Variants in ATP11B observed in about 807,000 individuals in gnomAD.
The protein encoded by ATP11B is ATPase phospholipid transporting 11B (putative).
A neutral mutation model predicts 157.8 loss-of-function variants in ATP11B; 81 were observed. The ratio of observed to expected loss-of-function variants is 0.51; its 90% CI spans 0.43 to 0.62. The LOEUF (loss-of-function observed/expected upper bound fraction) is 0.62. Ranked by LOEUF, ATP11B falls within the 20% of genes least tolerant of loss-of-function variation. The probability of loss-of-function intolerance (pLI) is 0.00; values close to 1 mark genes in which losing one functional copy is unlikely to be tolerated. For missense variants in ATP11B, 1,165 were observed against 1,402.2 expected (o/e 0.83, Z 2.70); for synonymous variants, 451 against 469.4 (o/e 0.96, Z 0.51).
At chr3:182,878,733 C>G (rs1266488662) in intron 19 of ATP11B, among the ~76,000 whole-genome samples, 1 of 152,208 alleles carries the variant, frequency 6.6e-6, no homozygotes, top group African/African-American at 2.4e-5. Flanking sequence ...TTTCCTATTG[C>G]AAGACAGTGC....
At chr3:182,848,594 T>C (rs770947544) in intron 10 of ATP11B, 37 bp downstream of exon 10, 1 of 1,177,984 alleles carries the variant, frequency 8.5e-7, no homozygotes, top group Admixed American at 2.6e-5. Flanking sequence ...TATGTAATTA[T>C]AACTCTACAT....
intron 7 of ATP11B, among the ~76,000 whole-genome samples, chr3:182,837,447 A>G (rs945152671): frequency 6.6e-6 from 1 of 152,138 alleles, no homozygotes; most frequent in African/African-American, 2.4e-5. Flanking sequence ...CTTTGTAGCT[A>G]TAACAGTAGT....
At chr3:182,829,061 T>G (rs1222438130) in intron 3 of ATP11B, among the ~76,000 whole-genome samples, 5 of 152,190 alleles carry the variant, frequency 3.3e-5, no homozygotes, top group Non-Finnish European at 7.4e-5. Flanking sequence ...CTTCTGATTT[T>G]CTGCCCATAG....
Position 182,898,660 on chromosome 3 carries a change from GT to G in ATP11B, c.3207del (p.Ser1069ArgfsTer8). On this transcript the variant is annotated frameshift_variant, in exon 28 of 30. Transcript: ENST00000323116. LOFTEE classifies it high-confidence loss of function. ...MYFVFIQLLS[S>X]GSAWFAIILM... ...TTTGTGTTTATTCAGCTCCTGTCAA[GT>G]GGTTCTGCTTGGTTTGCCATAATCC... 3 of 1,609,330 alleles carry G rather than the reference GT, an allele frequency of 1.9e-6. No homozygotes were observed. The highest frequency in any genetic ancestry group is 2.5e-6 in the Non-Finnish European group (3 of 1,177,838).
intron 1 of ATP11B, among the ~76,000 whole-genome samples, chr3:182,816,032 T>C (rs1716949018): frequency 6.6e-6 from 1 of 152,154 alleles, no homozygotes; most frequent in South Asian, 2.1e-4. Context: ...AATCCTGTCT[T>C]GTGTATTAAC....
At chr3:182,879,765 G>C in intron 20 of ATP11B, 116 bp downstream of exon 20, 1 of 922,226 alleles carries the variant, frequency 1.1e-6, no homozygotes, top group Non-Finnish European at 1.5e-6. Context: ...CATTTTGCTA[G>C]GAGTCAGTCA....
chr3:182,881,700 T>A lies in ATP11B; in HGVS notation c.2509+719T>A, dbSNP rs543888215. 4.6e-5 allele frequency among the ~76,000 whole-genome samples: 7 copies of A among 152,342 alleles called. No homozygotes were observed. The South Asian group carries it at 1.5e-3, about 32-fold the overall frequency. Reference sequence around the variant, plus strand: ...AAAGTAGCTTTATTTTTACATGTCATTTTGTACCTTTTAAAGTACTTTCAC... The same window carrying A: ...AAAGTAGCTTTATTTTTACATGTCAATTTGTACCTTTTAAAGTACTTTCAC... On this transcript the variant is annotated intron_variant, in intron 21 of 29. Transcript: ENST00000323116.
chr3:182,805,371 G>C (rs1033288351), intron 1 of ATP11B, among the ~76,000 whole-genome samples: 1 of 151,882 alleles, frequency 6.6e-6, no homozygotes, highest in African/African-American at 2.4e-5. Context: ...CTTCCCTAAT[G>C]ACTAATGATA....
At chr3:182,898,083 A>G (rs1186557213) in intron 27 of ATP11B, among the ~76,000 whole-genome samples, 1 of 152,134 alleles carries the variant, frequency 6.6e-6, no homozygotes, top group African/African-American at 2.4e-5. Flanking sequence ...ATTTAGGATC[A>G]TAAAAGGATA....
intron 26 of ATP11B, 49 bp downstream of exon 26, chr3:182,896,814 T>TA: frequency 7.2e-7 from 1 of 1,385,914 alleles, no homozygotes; most frequent in Non-Finnish European, 1.0e-6. Context: ...ACTGTTTACA[T>TA]AGTTAGTTAA....
In ATP11B at chr3:182,802,959, C is replaced by A. The variant is rs1404988617; in HGVS notation, c.27+9173C>A. Among the ~76,000 whole-genome samples, 7 of 152,154 alleles carry A rather than the reference C, an allele frequency of 4.6e-5. No individual in the cohort carries two copies. The East Asian group carries it at 5.8e-4, about 13-fold the overall frequency. The stretch of plus-strand genomic sequence containing the variant: ...TATTTGTTGCTAGGCTTTGGAACTA[C>A]CAAAATGAAGTAATCCCTGCCCCAG... On this transcript the variant is annotated intron_variant, in intron 1 of 29. Transcript: ENST00000323116.
At chr3:182,917,446 T>C (rs1725211969) in intron 29 of ATP11B, 1 of 985,272 alleles carries the variant, frequency 1.0e-6, no homozygotes, top group Admixed American at 6.2e-5. Flanking sequence ...CAGTTAACTT[T>C]TCCAGACCAG....
chr3:182,895,177 C>T (rs1308507743), intron 25 of ATP11B, among the ~76,000 whole-genome samples: 1 of 149,508 alleles, frequency 6.7e-6, no homozygotes, highest in Non-Finnish European at 1.5e-5. Context: ...AGGAGAATGG[C>T]ACTCCTCCTG....
chr3:182,873,756 T>A, intron 18 of ATP11B, 56 bp from the exon 19 acceptor site: 1 of 1,441,732 alleles, frequency 6.9e-7, no homozygotes, highest in Non-Finnish European at 9.7e-7. Context: ...GTAGTTTAAC[T>A]TAAAATACAG....
intron 10 of ATP11B, among the ~76,000 whole-genome samples, chr3:182,849,579 G>T (rs904614176): frequency 6.6e-6 from 1 of 152,160 alleles, no homozygotes; most frequent in Non-Finnish European, 1.5e-5. Context: ...ACACAGCAGA[G>T]AAATGAAAAC....
intron 10 of ATP11B, among the ~76,000 whole-genome samples, chr3:182,850,444 G>C (rs1251953430): frequency 2.0e-5 from 3 of 152,052 alleles, no homozygotes. Context: ...CTGCACTCCA[G>C]CCTGGGCAAC....
At chr3:182,889,035 A>G (rs1577081447) in intron 24 of ATP11B, among the ~76,000 whole-genome samples, 1 of 151,142 alleles carries the variant, frequency 6.6e-6, no homozygotes, top group Non-Finnish European at 1.5e-5. Flanking sequence ...GCTAATTTTT[A>G]TATTTTTAGT....
At chr3:182,841,067 T>C (rs1467589224) in intron 7 of ATP11B, among the ~76,000 whole-genome samples, 1 of 152,024 alleles carries the variant, frequency 6.6e-6, no homozygotes, top group East Asian at 1.9e-4. Flanking sequence ...ACTGACCTCC[T>C]TAGTTTTCCT....
At chr3:182,801,281 G>A (rs996091566) in intron 1 of ATP11B, among the ~76,000 whole-genome samples, 2 of 152,176 alleles carry the variant, frequency 1.3e-5, no homozygotes, top group Non-Finnish European at 2.9e-5. Flanking sequence ...TGGAAGTGAA[G>A]TTCCCCCTCA....
Sources: gnomAD v4.1 joint callset for allele counts (sites outside exome capture counted in the v4.1 genomes callset) on GRCh38, gnomAD v4.1.1 for gene constraint, MANE v1.5 for transcripts, NCBI Gene and HGNC (gene_info 2026-07-23, HGNC 2026-07-21) for gene names.